Variants in CTNNBL1 observed in about 807,000 individuals in gnomAD.
The protein encoded by CTNNBL1 is catenin beta like 1, also known as beta-catenin-like protein 1.
In CTNNBL1, 31 loss-of-function variants were observed where a neutral mutation model predicts 72.7. The ratio of observed to expected loss-of-function variants is 0.43; its 90% CI spans 0.32 to 0.58. CTNNBL1 has a LOEUF of 0.58. Ranked by LOEUF, CTNNBL1 falls within the 20% of genes least tolerant of loss-of-function variation. The pLI, the probability that CTNNBL1 is intolerant of heterozygous loss-of-function variation, is 0.08. For missense variants in CTNNBL1, 534 were observed against 725.1 expected (o/e 0.74, Z 3.03); for synonymous variants, 240 against 267.3 (o/e 0.90, Z 1.00).
Position 37,765,183 on chromosome 20 carries a change from C to G in CTNNBL1, c.565-14C>G. The G allele has an allele frequency of 1.9e-6, 3 of 1,540,408 alleles. No homozygotes were observed. Among genetic ancestry groups the G allele is most frequent in the Non-Finnish European group, 2.6e-6 (3 of 1,136,768 alleles). Reference sequence around the variant, plus strand: ...ATGACATCCCTCTCTCCTTTTGCTTCGCTATTCTTGCAGGTGGATGGGCAG... The same window carrying G: ...ATGACATCCCTCTCTCCTTTTGCTTGGCTATTCTTGCAGGTGGATGGGCAG... On this transcript the variant is annotated splice_polypyrimidine_tract_variant and intron_variant, in intron 5 of 15. Transcript: ENST00000361383.
intron 13 of CTNNBL1, among the ~76,000 whole-genome samples, chr20:37,849,736 T>A (rs1315024522): frequency 6.6e-6 from 1 of 152,236 alleles, no homozygotes; most frequent in Non-Finnish European, 1.5e-5. Flanking sequence ...ACCCTTGCAC[T>A]GCAGCCTCAG....
At chr20:37,791,585 A>G (rs1238600299) in intron 10 of CTNNBL1, among the ~76,000 whole-genome samples, 1 of 152,038 alleles carries the variant, frequency 6.6e-6, no homozygotes, top group African/African-American at 2.4e-5. Flanking sequence ...ATAGTTCTTT[A>G]TATATTATAT....
chr20:37,850,301 A>G (rs2072385320), intron 13 of CTNNBL1, among the ~76,000 whole-genome samples: 1 of 152,178 alleles, frequency 6.6e-6, no homozygotes, highest in African/African-American at 2.4e-5. Context: ...TATGGAAGGA[A>G]CATAAGTATG....
intron 1 of CTNNBL1, among the ~76,000 whole-genome samples, chr20:37,720,768 G>A (rs1345618970): frequency 6.6e-6 from 1 of 152,152 alleles, no homozygotes; most frequent in African/African-American, 2.4e-5. Context: ...GTCTTTCATT[G>A]ATTTAAGTGC....
chr20:37,815,869 C>T (rs899793031), intron 11 of CTNNBL1, among the ~76,000 whole-genome samples: 1 of 152,166 alleles, frequency 6.6e-6, no homozygotes, highest in African/African-American at 2.4e-5. Context: ...TTTCACTGCT[C>T]ATAAAGAATA....
chr20:37,842,150 T>A lies in CTNNBL1; in HGVS notation c.1312-189T>A. ...CTGCATTCATCCTAAGTGTTTGCTT[T>A]GTTCTGCCCCAGCCCTTTGATCCAT... On this transcript the variant is annotated intron_variant, in intron 12 of 15. Coordinates refer to ENST00000361383, the MANE Select transcript of CTNNBL1 (RefSeq NM_030877.5). 4 of 560,092 alleles carry A rather than the reference T, an allele frequency of 7.1e-6. No homozygotes were observed. In the East Asian group the frequency reaches 1.2e-4, roughly 16 times the overall value. The allele number at this position is 560,092 out of a possible 1,614,324, so 34.7% of individuals were successfully genotyped here. A position where few individuals can be genotyped will look rare whatever the true frequency, so the allele number is the denominator to read the frequency against.
At chr20:37,800,758 G>A (rs2073817133) in intron 10 of CTNNBL1, among the ~76,000 whole-genome samples, 1 of 152,146 alleles carries the variant, frequency 6.6e-6, no homozygotes, top group South Asian at 2.1e-4. Context: ...TGGATGCCTT[G>A]TGGCCTTTGA....
At chr20:37,746,877 A>G (rs1176782720) in intron 4 of CTNNBL1, among the ~76,000 whole-genome samples, 1 of 152,258 alleles carries the variant, frequency 6.6e-6, no homozygotes, top group Non-Finnish European at 1.5e-5. Flanking sequence ...ATATCTGTTC[A>G]TACATTAACA....
chr20:37,800,422 C>T (rs2073814335), intron 10 of CTNNBL1, among the ~76,000 whole-genome samples: 1 of 152,178 alleles, frequency 6.6e-6, no homozygotes, highest in African/African-American at 2.4e-5. Flanking sequence ...TTCTGCCCTA[C>T]CACTGCTCTC....
chr20:37,811,986 C>A (rs957771576), intron 11 of CTNNBL1, among the ~76,000 whole-genome samples: 3 of 152,186 alleles, frequency 2.0e-5, no homozygotes, highest in Admixed American at 2.0e-4. Flanking sequence ...TCTTCCAACA[C>A]CAGGGTGGCT....
chr20:37,805,306 G>C (rs528389762), intron 11 of CTNNBL1, among the ~76,000 whole-genome samples: 117 of 152,180 alleles, frequency 7.7e-4, no homozygotes, highest in African/African-American at 2.6e-3. Context: ...CGGGCTTCCA[G>C]CATGCTCTTC....
rs1170763911 is a variant in CTNNBL1 at position 37,733,043 on chromosome 20, A to G, written c.195A>G (p.Arg65=). The change falls in exon 2 of 16, where the codon AGA becomes AGG. Residue 65 remains arginine, a synonymous_variant. Coordinates refer to ENST00000361383, the MANE Select transcript of CTNNBL1 (RefSeq NM_030877.5). ...DKKRLLQIID[R]DGEEEEEEEE... ...AAAGGCTGCTGCAGATTATTGACAG[A>G]GATGGGGAAGAGGAAGAGGAAGAGG... The G allele has an allele frequency of 6.2e-7, 1 of 1,613,462 alleles. No homozygotes were observed. Among genetic ancestry groups the G allele is most frequent in the East Asian group, 2.2e-5 (1 of 44,872 alleles).
Position 37,803,051 on chromosome 20 carries a change from A to G in CTNNBL1, c.1213+3A>G, listed in dbSNP as rs772267630. On this transcript the variant is annotated splice_donor_region_variant and intron_variant, in intron 11 of 15. Coordinates refer to ENST00000361383, the MANE Select transcript of CTNNBL1 (RefSeq NM_030877.5). ...AACCACTGAGAAGGAACATGAAGGT[A>G]GGGTTCACTGGAGGAGTCAGCCTAA... 3.1e-6 allele frequency: 5 copies of G among 1,612,944 alleles called. No homozygotes were observed. Among genetic ancestry groups the G allele is most frequent in the East Asian group, 4.5e-5 (2 of 44,856 alleles).
At chr20:37,780,018 G>A (rs1053328527) in intron 10 of CTNNBL1, among the ~76,000 whole-genome samples, 1 of 151,826 alleles carries the variant, frequency 6.6e-6, no homozygotes, top group Non-Finnish European at 1.5e-5. Context: ...AGAAGTGTGT[G>A]GGGGAAGGCT....
At chr20:37,808,248 A>AT (rs2071977536) in intron 11 of CTNNBL1, among the ~76,000 whole-genome samples, 1 of 152,220 alleles carries the variant, frequency 6.6e-6, no homozygotes, top group African/African-American at 2.4e-5. Context: ...TGGACTCCAC[A>AT]TATCAGGAAG....
rs533444666 is a variant in CTNNBL1, at chr20:37,849,276, T to A, written c.1392+6857T>A. ...GAGATTTTTCTAAAATGTAAATTCATGTATGCACTTCTCCACCCAAACACA... is the reference window on the plus strand; with the variant it reads ...GAGATTTTTCTAAAATGTAAATTCAAGTATGCACTTCTCCACCCAAACACA... On this transcript the variant is annotated intron_variant, in intron 13 of 15. Coordinates refer to ENST00000361383, the MANE Select transcript of CTNNBL1 (RefSeq NM_030877.5). Among the ~76,000 whole-genome samples the A allele has an allele frequency of 3.9e-5, 6 of 152,358 alleles. No individual in the cohort carries two copies. In the East Asian group the frequency reaches 1.2e-3, roughly 29 times the overall value.
In CTNNBL1 at chr20:37,711,266, G is replaced by T. The variant is rs113423714; in HGVS notation, c.30+17114G>T. 2.0e-3 allele frequency among the ~76,000 whole-genome samples: 305 copies of T among 152,214 alleles called. 1 individual carries two copies. The highest frequency in any genetic ancestry group is 3.1e-3 in the Non-Finnish European group (209 of 68,014). On this transcript the variant is annotated intron_variant, in intron 1 of 15. Coordinates refer to ENST00000361383, the MANE Select transcript of CTNNBL1 (RefSeq NM_030877.5). Reference sequence around the variant, plus strand: ...ATAGTTTCCTAGTCATTCACCAGGGGTTGGTAAGGAAATAGGATGTTGTTT... The same window carrying T: ...ATAGTTTCCTAGTCATTCACCAGGGTTTGGTAAGGAAATAGGATGTTGTTT...
chr20:37,734,125 G>A (rs1023598563), intron 2 of CTNNBL1, among the ~76,000 whole-genome samples: 4 of 152,146 alleles, frequency 2.6e-5, no homozygotes, highest in South Asian at 2.1e-4. Flanking sequence ...TCAAAGACAC[G>A]ATGCTAAGTT....
chr20:37,839,710 C>A (rs887604418), intron 11 of CTNNBL1, among the ~76,000 whole-genome samples: 7 of 152,196 alleles, frequency 4.6e-5, no homozygotes, highest in African/African-American at 7.2e-5. Context: ...GAATTCGATA[C>A]AGCATGTCTT....
Sources: gnomAD v4.1 joint callset for allele counts (sites outside exome capture counted in the v4.1 genomes callset) on GRCh38, gnomAD v4.1.1 for gene constraint, MANE v1.5 for transcripts, NCBI Gene and HGNC (gene_info 2026-07-23, HGNC 2026-07-21) for gene names.